BICDL1: variants seen among roughly 807,000 people sequenced by gnomAD.
The protein encoded by BICDL1 is BICD family like cargo adaptor 1.
BICDL1 carries 20 observed loss-of-function variants against 76.8 expected under a neutral mutation model. The ratio of observed to expected loss-of-function variants is 0.26; its 90% CI spans 0.18 to 0.38. BICDL1 has a LOEUF of 0.38. BICDL1 is among the 10% of genes least tolerant of loss of function. The probability of loss-of-function intolerance (pLI) is 1.00; values close to 1 mark genes in which losing one functional copy is unlikely to be tolerated. For missense variants in BICDL1, 700 were observed against 798.6 expected (o/e 0.88, Z 1.49); for synonymous variants, 383 against 337.1 (o/e 1.14, Z -1.49).
chr12:120,017,286 G>A (rs538767729), intron 2 of BICDL1, among the ~76,000 whole-genome samples: 27 of 152,266 alleles, frequency 1.8e-4, no homozygotes, highest in Non-Finnish European at 2.4e-4. Flanking sequence ...TCAAAACAGC[G>A]TGTATTAACA....
intron 2 of BICDL1, among the ~76,000 whole-genome samples, chr12:120,017,051 C>T (rs1483308089): frequency 6.6e-6 from 1 of 152,138 alleles, no homozygotes; most frequent in Non-Finnish European, 1.5e-5. Context: ...CACCCGCCAC[C>T]ACACCCGGCT....
At chr12:120,003,955 C>T (rs1951807100) in intron 2 of BICDL1, among the ~76,000 whole-genome samples, 2 of 152,152 alleles carry the variant, frequency 1.3e-5, no homozygotes, top group South Asian at 4.1e-4. Context: ...GACAAAAGAA[C>T]TCCCTGTCTG....
At chr12:120,025,928 C>T (rs999911074) in intron 2 of BICDL1, among the ~76,000 whole-genome samples, 1 of 152,072 alleles carries the variant, frequency 6.6e-6, no homozygotes, top group African/African-American at 2.4e-5. Context: ...ACCTCCACCT[C>T]CAGGGTTCAA....
At chr12:120,087,302 G>C (rs1344247590) in intron 8 of BICDL1, among the ~76,000 whole-genome samples, 4 of 152,206 alleles carry the variant, frequency 2.6e-5, no homozygotes, top group Non-Finnish European at 5.9e-5. Flanking sequence ...CGCGGTGGCT[G>C]AGCTGTCTGG....
chr12:120,082,625 C>G (rs929012482), intron 8 of BICDL1, among the ~76,000 whole-genome samples: 4 of 152,054 alleles, frequency 2.6e-5, no homozygotes, highest in African/African-American at 9.7e-5. Flanking sequence ...CTTTGTCACC[C>G]AGGCTGGAGT....
intron 2 of BICDL1, among the ~76,000 whole-genome samples, chr12:120,023,442 A>C (rs1215159733): frequency 6.6e-6 from 1 of 152,218 alleles, no homozygotes; most frequent in African/African-American, 2.4e-5. Context: ...GAACACAAAA[A>C]TATTGAACAC....
At chr12:120,075,945 G>C (rs1035326671) in intron 7 of BICDL1, among the ~76,000 whole-genome samples, 1 of 152,216 alleles carries the variant, frequency 6.6e-6, no homozygotes, top group African/African-American at 2.4e-5. Context: ...GATCACTTGA[G>C]ATCGGCAGTT....
intron 2 of BICDL1, among the ~76,000 whole-genome samples, chr12:120,049,097 T>G (rs570117981): frequency 6.6e-6 from 1 of 152,308 alleles, no homozygotes; most frequent in East Asian, 1.9e-4. Flanking sequence ...ACTCATAAAA[T>G]GTAATATGTC....
At chr12:120,092,041 G>C (rs77682818) in intron 9 of BICDL1, 18,273 of 985,458 alleles carry the variant, frequency 0.019, 213 homozygotes, top group Non-Finnish European at 0.021. Flanking sequence ...AGTCATGAAG[G>C]AATCGAGCAG....
chr12:120,005,891 C>A (rs187902476), intron 2 of BICDL1, among the ~76,000 whole-genome samples: 74 of 152,290 alleles, frequency 4.9e-4, no homozygotes, highest in Admixed American at 2.7e-3. Flanking sequence ...CTTGTTCATA[C>A]ATTTTTGCAC....
At chr12:120,051,211 C>G (rs886187461) in intron 2 of BICDL1, among the ~76,000 whole-genome samples, 1 of 152,042 alleles carries the variant, frequency 6.6e-6, no homozygotes, top group Non-Finnish European at 1.5e-5. Flanking sequence ...CCGCACCTGG[C>G]TAATTTTTGT....
chr12:120,023,068 C>G lies in BICDL1; in HGVS notation c.645+24332C>G, dbSNP rs368997377. Among the ~76,000 whole-genome samples the G allele has an allele frequency of 6.6e-5, 10 of 152,212 alleles. No homozygotes were observed. The East Asian group carries it at 1.9e-3, about 29-fold the overall frequency. On this transcript the variant is annotated intron_variant, in intron 2 of 9. Transcript: ENST00000548673. Reference sequence around the variant, plus strand: ...CAGTGCTTGTTACTACCAGCCAGTACTTGGGAAGGTGTTGCCTTAGTAGTA... The same window carrying G: ...CAGTGCTTGTTACTACCAGCCAGTAGTTGGGAAGGTGTTGCCTTAGTAGTA...
Position 120,080,971 on chromosome 12 carries a change from G to A in BICDL1, c.1537G>A (p.Glu513Lys), listed in dbSNP as rs763260424. 1.2e-6 allele frequency: 2 copies of A among 1,613,906 alleles called. No homozygotes were observed. Among genetic ancestry groups the A allele is most frequent in the Non-Finnish European group, 1.7e-6 (2 of 1,179,964 alleles). ...RVTSEDKEPK[E>K]QLQKAIRDRD... is the part of the protein sequence containing the mutation. ...CACTTCTGAGGACAAGGAGCCAAAG[G>A]AGCAGCTTCAGAAGGCCATCAGGGA... Residue 513 changes from glutamate (E) to lysine (K), a missense_variant, in exon 8 of 10, where the codon GAG (glutamate) becomes AAG (lysine). Around this residue, in one of 3 missense-constraint regions of BICDL1, gnomAD observed 455 missense variants for 548.7 expected, o/e 0.83. Transcript: ENST00000548673.
intron 2 of BICDL1, among the ~76,000 whole-genome samples, chr12:120,012,586 T>C (rs1455989502): frequency 6.6e-6 from 1 of 152,168 alleles, no homozygotes; most frequent in Non-Finnish European, 1.5e-5. Context: ...GGGCAAGATG[T>C]AACTATGATG....
In BICDL1 at chr12:119,989,902, G is replaced by A. The variant is rs780511421; in HGVS notation, c.34G>A (p.Ala12Thr). 11 of 1,444,100 alleles carry A rather than the reference G, an allele frequency of 7.6e-6. No individual in the cohort carries two copies. In the South Asian group the frequency reaches 1.4e-4, roughly 18 times the overall value. 89.5% of individuals were successfully genotyped at this position (1,444,100 alleles called of 1,614,324 possible). A position where few individuals can be genotyped will look rare whatever the true frequency, so the allele number is the denominator to read the frequency against. ...TTTCTGCCTGGGCTTGGTCGGCCGC[G>A]CTTCAGCACCCGCCGAGCCGGACAG... ...SAFCLGLVGR[A>T]SAPAEPDSAC... The change falls in exon 1 of 10, where the codon GCT becomes ACT. Residue 12 changes from alanine to threonine, a missense_variant. By Grantham distance (58) the Ala-to-Thr change is moderately conservative. Coordinates refer to ENST00000548673, the MANE Select transcript of BICDL1 (RefSeq NM_001367886.1).
At chr12:120,051,619 G>A (rs1229594919) in intron 2 of BICDL1, among the ~76,000 whole-genome samples, 1 of 151,862 alleles carries the variant, frequency 6.6e-6, no homozygotes, top group Non-Finnish European at 1.5e-5. Flanking sequence ...AAGTGTCTTG[G>A]GGGCACAACT....
intron 2 of BICDL1, 108 bp from the exon 3 acceptor site, chr12:120,061,602 T>C: frequency 1.2e-6 from 1 of 813,262 alleles, no homozygotes; most frequent in South Asian, 1.5e-5. Context: ...CTAGTGCTCC[T>C]TAAAGAATAG....
chr12:120,077,791 C>T (rs1049437526), intron 7 of BICDL1, among the ~76,000 whole-genome samples: 1 of 151,290 alleles, frequency 6.6e-6, no homozygotes, highest in Admixed American at 6.6e-5. Flanking sequence ...ATCTGCCTTC[C>T]CCCAGCCCGC....
At chr12:119,996,292 C>G (rs960464168) in intron 1 of BICDL1, among the ~76,000 whole-genome samples, 9 of 152,124 alleles carry the variant, frequency 5.9e-5, no homozygotes, top group Non-Finnish European at 1.2e-4. Context: ...TGACTGCTCT[C>G]AATCATGGTA....
Sources: gnomAD v4.1 joint callset for allele counts (sites outside exome capture counted in the v4.1 genomes callset) on GRCh38, gnomAD v4.1.1 for gene constraint, gnomAD v4.1.1 regional missense constraint, MANE v1.5 for transcripts, NCBI Gene and HGNC (gene_info 2026-07-23, HGNC 2026-07-21) for gene names.